Variants in RBFOX1 observed in about 807,000 individuals in gnomAD.
RBFOX1 encodes the protein RNA binding protein fox-1 homolog 1.
A neutral mutation model predicts 57.7 loss-of-function variants in RBFOX1; 8 were observed. The ratio of observed to expected loss-of-function variants is 0.14; its 90% confidence interval spans 0.08 to 0.25. RBFOX1 has a LOEUF of 0.25. Ranked by LOEUF, RBFOX1 falls within the 10% of genes least tolerant of loss-of-function variation. The probability of loss-of-function intolerance (pLI) is 1.00; values close to 1 mark genes in which losing one functional copy is unlikely to be tolerated. For synonymous variants in RBFOX1, 326 were observed against 222.4 expected (o/e 1.47, Z -4.15); for missense variants, 611 against 548.5 (o/e 1.11, Z -1.14).
chr16:6,903,994 C>T lies in RBFOX1; in HGVS notation c.-15-148063C>T, dbSNP rs530489983. On this transcript the variant is annotated intron_variant, in intron 3 of 15. Transcript: ENST00000550418. Reference sequence around the variant, plus strand: ...CAAGGTTCACATCCCAGGGAGTGACCACGTGGTCACAAAACACAGCCTACA... The same window carrying T: ...CAAGGTTCACATCCCAGGGAGTGACTACGTGGTCACAAAACACAGCCTACA... 9.9e-5 allele frequency among the ~76,000 whole-genome samples: 15 copies of T among 152,162 alleles called. No individual in the cohort carries two copies. The East Asian group carries it at 2.7e-3, about 28-fold the overall frequency.
chr16:7,447,430 CAAAAAAAA>C (rs202234230), intron 4 of RBFOX1, among the ~76,000 whole-genome samples: 1 of 98,536 alleles, frequency 1.0e-5, no homozygotes, highest in Admixed American at 1.1e-4. Context: ...GAGTCTATCT[CAAAAAAAA>C]AAAAAAAAAA....
chr16:6,470,770 G>C (rs2095155841), intron 2 of RBFOX1, among the ~76,000 whole-genome samples: 1 of 152,070 alleles, frequency 6.6e-6, no homozygotes, highest in Non-Finnish European at 1.5e-5. Context: ...TGACTTTTTG[G>C]CTTCTTTTAC....
At chr16:7,125,529 C>A (rs1048292430) in intron 4 of RBFOX1, among the ~76,000 whole-genome samples, 1 of 152,160 alleles carries the variant, frequency 6.6e-6, no homozygotes, top group African/African-American at 2.4e-5. Context: ...ATGGTTAACA[C>A]ACATTTTTTG....
chr16:6,336,173 ATATATATATTTTTTTTTTTTTT>A (rs1319979456), intron 2 of RBFOX1, among the ~76,000 whole-genome samples: 1 of 34,186 alleles, frequency 2.9e-5, no homozygotes, highest in African/African-American at 8.5e-5. Flanking sequence ...ATATATATAT[ATATATATATTTTTTTTTTTTTT>A]TTTTTTTTTT....
At chr16:6,125,062 C>T (rs536039244) in intron 1 of RBFOX1, among the ~76,000 whole-genome samples, 11 of 152,160 alleles carry the variant, frequency 7.2e-5, no homozygotes, top group African/African-American at 2.7e-4. Context: ...ACAAGTGATC[C>T]CCTCCTCAGA....
chr16:7,426,487 C>T (rs757333926), intron 4 of RBFOX1, among the ~76,000 whole-genome samples: 66 of 152,164 alleles, frequency 4.3e-4, no homozygotes, highest in Non-Finnish European at 1.2e-4. Flanking sequence ...GCGTGAGTTC[C>T]TGAGCAGCAT....
intron 3 of RBFOX1, among the ~76,000 whole-genome samples, chr16:6,752,569 A>G (rs529121451): frequency 6.6e-6 from 1 of 152,212 alleles, no homozygotes; most frequent in Non-Finnish European, 1.5e-5. Flanking sequence ...ATAGAGTGAT[A>G]CTCTTCACTG....
At chr16:6,420,096 C>T (rs146986063) in intron 2 of RBFOX1, among the ~76,000 whole-genome samples, 1 of 152,284 alleles carries the variant, frequency 6.6e-6, no homozygotes, top group East Asian at 1.9e-4. Flanking sequence ...TTTTAATCTT[C>T]ATTTCAGATT....
At chr16:7,646,011 CT>C (rs1011555862) in intron 11 of RBFOX1, among the ~76,000 whole-genome samples, 30 of 151,456 alleles carry the variant, frequency 2.0e-4, no homozygotes, top group African/African-American at 6.3e-4. Context: ...AAAGAAAAAC[CT>C]TTCCATTTTT....
chr16:6,751,228 A>G (rs907917135), intron 3 of RBFOX1, among the ~76,000 whole-genome samples: 2 of 152,144 alleles, frequency 1.3e-5, no homozygotes, highest in Non-Finnish European at 2.9e-5. Context: ...GCTCTGATGT[A>G]TATTATTAGG....
intron 2 of RBFOX1, among the ~76,000 whole-genome samples, chr16:6,596,507 G>T (rs2097777979): frequency 6.8e-6 from 1 of 147,518 alleles, no homozygotes; most frequent in Non-Finnish European, 1.5e-5. Flanking sequence ...CAAAAGGAGG[G>T]GTCCCACTCC....
At chr16:6,721,943 A>T (rs574717496) in intron 3 of RBFOX1, 1 of 153,172 alleles carries the variant, frequency 6.5e-6, no homozygotes, top group Admixed American at 6.6e-5. Context: ...CTCAAAGCCA[A>T]ATCCATTCCT....
intron 3 of RBFOX1, among the ~76,000 whole-genome samples, chr16:6,967,293 C>A (rs923157351): frequency 6.6e-6 from 1 of 152,068 alleles, no homozygotes. Context: ...ATTATCCATC[C>A]ATTATTTATG....
intron 2 of RBFOX1, among the ~76,000 whole-genome samples, chr16:6,578,402 G>A (rs950356949): frequency 6.6e-5 from 10 of 152,100 alleles, no homozygotes; most frequent in African/African-American, 1.2e-4. Context: ...ATGGATGGAC[G>A]GTGTTCTCAT....
chr16:6,023,428 A>G (rs79062538), intron 1 of RBFOX1, among the ~76,000 whole-genome samples: 4 of 152,326 alleles, frequency 2.6e-5, no homozygotes, highest in African/African-American at 9.6e-5. Context: ...TTCTGATAGT[A>G]CATATTTTTT....
chr16:6,856,110 T>TTC (rs1367027369), intron 3 of RBFOX1, among the ~76,000 whole-genome samples: 13 of 151,514 alleles, frequency 8.6e-5, no homozygotes, highest in East Asian at 2.0e-4. Flanking sequence ...CCCTTCCCTT[T>TTC]CTTCCCTTTC....
intron 3 of RBFOX1, among the ~76,000 whole-genome samples, chr16:6,818,129 C>G (rs1055023038): frequency 1.3e-5 from 2 of 152,122 alleles, no homozygotes; most frequent in African/African-American, 4.8e-5. Context: ...TCTATGGAAG[C>G]CCTTTTCTAG....
intron 4 of RBFOX1, among the ~76,000 whole-genome samples, chr16:7,374,975 C>G (rs1484450778): frequency 1.3e-5 from 2 of 152,196 alleles, no homozygotes; most frequent in Non-Finnish European, 1.5e-5. Context: ...TTAATGTGTA[C>G]AACATCTGTC....
At chr16:7,139,033 GC>G in intron 4 of RBFOX1, among the ~76,000 whole-genome samples, 1 of 152,036 alleles carries the variant, frequency 6.6e-6, no homozygotes, top group Admixed American at 6.6e-5. Context: ...CAAACTCCTG[GC>G]CCCAAGTGAT....
Sources: gnomAD v4.1 joint callset for allele counts (sites outside exome capture counted in the v4.1 genomes callset) on GRCh38, gnomAD v4.1.1 for gene constraint, MANE v1.5 for transcripts, NCBI Gene and HGNC (gene_info 2026-07-23, HGNC 2026-07-21) for gene names.